The following CUX1 variants were observed in gnomAD, a reference collection of about 807,000 sequenced individuals.
CUX1 encodes the protein cut like homeobox 1.
Under a neutral mutation model 158.8 loss-of-function variants are expected in CUX1, and 31 were observed. The ratio of observed to expected loss-of-function variants is 0.20; its 90% CI spans 0.15 to 0.26. CUX1 has a LOEUF of 0.26. CUX1 is among the 10% of genes least tolerant of loss of function. The probability of loss-of-function intolerance (pLI) is 1.00; values close to 1 mark genes in which losing one functional copy is unlikely to be tolerated. For synonymous variants in CUX1, 879 were observed against 862.1 expected (o/e 1.02, Z -0.34); for missense variants, 1,589 against 2,014.6 (o/e 0.79, Z 4.04).
At chr7:102,128,545 C>T (rs1554496132) in intron 8 of CUX1, among the ~76,000 whole-genome samples, 4 of 150,694 alleles carry the variant, frequency 2.7e-5, no homozygotes, top group Non-Finnish European at 5.9e-5. Flanking sequence ...GGGCTGCATC[C>T]AGGGCACCGG....
chr7:102,239,254 G>T, intron 22 of CUX1, 66 bp from the exon 23 acceptor site: 1 of 1,533,606 alleles, frequency 6.5e-7, no homozygotes, highest in East Asian at 2.3e-5. Flanking sequence ...CCCGCTAGCG[G>T]GACTGGGGAT....
chr7:102,151,103 A>G (rs781836016), intron 8 of CUX1, among the ~76,000 whole-genome samples: 1 of 152,238 alleles, frequency 6.6e-6, no homozygotes, highest in Non-Finnish European at 1.5e-5. Flanking sequence ...ATGAAACCAC[A>G]TGCCATTTAA....
At chr7:102,062,270 C>T (rs753063039) in intron 3 of CUX1, among the ~76,000 whole-genome samples, 5 of 152,122 alleles carry the variant, frequency 3.3e-5, no homozygotes, top group Non-Finnish European at 7.4e-5. Context: ...ATGTGTGACG[C>T]CTCCTCCAGG....
chr7:101,984,895 A>G (rs1350765179), intron 2 of CUX1, among the ~76,000 whole-genome samples: 1 of 152,242 alleles, frequency 6.6e-6, no homozygotes, highest in Non-Finnish European at 1.5e-5. Context: ...AACTTTTCAA[A>G]TAATGCAGTT....
Position 102,034,145 on chromosome 7 carries a change from C to CAAA in CUX1, c.189+6020_189+6022dup, listed in dbSNP as rs10655613. On this transcript the variant is annotated intron_variant, in intron 3 of 23. Coordinates refer to ENST00000292535, the MANE Select transcript of CUX1 (RefSeq NM_181552.4). ...CAGGTGACAGAGCGAGACTCCATCT[C>CAAA]AAAAAAAAAAAAAAAAAAAAAAGTC... is the stretch of plus-strand genomic sequence containing the variant. Among the ~76,000 whole-genome samples the CAAA allele has an allele frequency of 9.7e-4, 47 of 48,612 alleles. 11 individuals are homozygous for CAAA. Among genetic ancestry groups the CAAA allele is most frequent in the African/African-American group, 3.2e-3 (35 of 10,782 alleles). The allele number at this position is 48,612 out of a possible 152,430, so 31.9% of individuals were successfully genotyped here.
In CUX1 at chr7:102,257,976, T is replaced by C. The variant is rs148671459; in HGVS notation, c.*8934T>C. 8.1e-6 allele frequency: 8 copies of C among 984,836 alleles called. No homozygotes were observed. The highest frequency in any genetic ancestry group is 8.4e-6 in the Non-Finnish European group (7 of 829,788). The allele number at this position is 984,836 out of a possible 1,614,324, so 61.0% of individuals were successfully genotyped here. ...GTGTGACATCTCTCTGGTAACATTT[T>C]ATTTCTTGCTATTTGTTTTTCTACA... is the stretch of plus-strand genomic sequence containing the variant. On this transcript the variant is annotated 3_prime_UTR_variant, in exon 24 of 24. Coordinates refer to ENST00000292535, the MANE Select transcript of CUX1 (RefSeq NM_181552.4).
intron 9 of CUX1, among the ~76,000 whole-genome samples, chr7:102,167,344 C>A (rs190768734): frequency 1.8e-4 from 28 of 152,220 alleles, no homozygotes; most frequent in South Asian, 2.1e-4. Flanking sequence ...AGCTAGATCC[C>A]TTCTTTTGTG....
chr7:102,056,572 A>AAGGTTCTTTTCTTTTCTGAGACAGTT (rs1824155136), intron 3 of CUX1, among the ~76,000 whole-genome samples: 1 of 152,194 alleles, frequency 6.6e-6, no homozygotes, highest in Admixed American at 6.6e-5. Flanking sequence ...AGAATAAAAA[A>AAGGTTCTTTTCTTTTCTGAGACAGTT]AGGTTCTTTT....
rs371339567 is a variant in CUX1 at position 102,056,416 on chromosome 7, A to G, written c.190-13923A>G. 5.3e-5 allele frequency among the ~76,000 whole-genome samples: 8 copies of G among 152,316 alleles called. No homozygotes were observed. In the East Asian group the frequency reaches 1.2e-3, roughly 22 times the overall value. On this transcript the variant is annotated intron_variant, in intron 3 of 23. Transcript: ENST00000292535. Reference sequence around the variant, plus strand: ...AAGTTGAAGCCATTGCTCATTTACCATTCGGAAAAATCCTAGGGCCTTCAG... The same window carrying G: ...AAGTTGAAGCCATTGCTCATTTACCGTTCGGAAAAATCCTAGGGCCTTCAG...
At chr7:101,901,487 G>T (rs948763103) in intron 1 of CUX1, among the ~76,000 whole-genome samples, 1 of 151,994 alleles carries the variant, frequency 6.6e-6, no homozygotes, top group African/African-American at 2.4e-5. Flanking sequence ...TAGAGACAGG[G>T]TTTTGCCATG....
chr7:102,011,230 C>T (rs552999407), intron 2 of CUX1, among the ~76,000 whole-genome samples: 36 of 152,028 alleles, frequency 2.4e-4, no homozygotes, highest in African/African-American at 7.7e-4. Flanking sequence ...TGGTGTGAGT[C>T]TTGAAGCATT....
intron 11 of CUX1, among the ~76,000 whole-genome samples, chr7:102,180,924 T>TTATTG (rs1485467926): frequency 3.5e-5 from 5 of 141,898 alleles, no homozygotes; most frequent in African/African-American, 1.2e-4. Flanking sequence ...TTATTGTATT[T>TTATTG]TATTTTATTT....
chr7:102,070,214 T>C (rs1585522526), intron 3 of CUX1, 125 bp from the exon 4 acceptor site: 1 of 752,422 alleles, frequency 1.3e-6, no homozygotes. Context: ...TCTAAGAGGC[T>C]GAAGCCCAGT....
chr7:101,851,219 A>G (rs1405364365), intron 1 of CUX1, among the ~76,000 whole-genome samples: 3 of 152,230 alleles, frequency 2.0e-5, no homozygotes, highest in Non-Finnish European at 4.4e-5. Flanking sequence ...TGTAAATATT[A>G]GTATTCTTTG....
At chr7:101,982,374 T>G (rs1813549157) in intron 2 of CUX1, among the ~76,000 whole-genome samples, 1 of 152,210 alleles carries the variant, frequency 6.6e-6, no homozygotes, top group Non-Finnish European at 1.5e-5. Flanking sequence ...CTGGGTCTCC[T>G]GAATTTCCTC....
chr7:102,019,573 G>A (rs1271199009), intron 2 of CUX1, among the ~76,000 whole-genome samples: 1 of 152,036 alleles, frequency 6.6e-6, no homozygotes, highest in Admixed American at 6.6e-5. Context: ...GGAACTCAGG[G>A]GTCCCCACCT....
intron 14 of CUX1, among the ~76,000 whole-genome samples, chr7:102,271,511 C>T (rs534439079): frequency 1.3e-5 from 2 of 152,354 alleles, no homozygotes; most frequent in South Asian, 4.1e-4. Context: ...GTACTCAGGC[C>T]AGGAGGGCAT....
intron 3 of CUX1, among the ~76,000 whole-genome samples, chr7:102,043,367 G>GTT (rs1822353518): frequency 6.7e-6 from 1 of 148,784 alleles, no homozygotes; most frequent in African/African-American, 2.5e-5. Context: ...GTGTGTGTGT[G>GTT]TGTTGAGAAC....
At chr7:102,172,820 G>C (rs1791880823) in intron 10 of CUX1, among the ~76,000 whole-genome samples, 1 of 152,176 alleles carries the variant, frequency 6.6e-6, no homozygotes, top group African/African-American at 2.4e-5. Flanking sequence ...CCAGCCCTTT[G>C]GGAAGCTGAA....
Sources: allele counts gnomAD v4.1 joint callset (sites outside exome capture counted in the v4.1 genomes callset), GRCh38; gene constraint gnomAD v4.1.1; transcripts MANE v1.5; gene names NCBI Gene and HGNC (gene_info 2026-07-23, HGNC 2026-07-21).